PRKN: variants seen among roughly 807,000 people sequenced by gnomAD.
The protein encoded by PRKN is E3 ubiquitin-protein ligase parkin.
PRKN carries 56 observed loss-of-function variants against 59.5 expected under a neutral mutation model. The observed-to-expected ratio is 0.94, with a 90% CI of 0.76 to 1.18. PRKN has a LOEUF of 1.18. PRKN is among the 50% of genes most tolerant of loss of function. PRKN has a pLI of 0.00. For missense variants in PRKN, 657 were observed against 596.4 expected (o/e 1.10, Z -1.06); for synonymous variants, 250 against 222.1 (o/e 1.13, Z -1.12).
intron 5 of PRKN, among the ~76,000 whole-genome samples, chr6:161,996,292 G>C (rs552978110): frequency 2.6e-4 from 40 of 152,186 alleles, no homozygotes; most frequent in African/African-American, 9.2e-4. Context: ...AATAAGCCAG[G>C]CACTGGACAA....
intron 1 of PRKN, among the ~76,000 whole-genome samples, chr6:162,701,234 C>T (rs1778140791): frequency 6.6e-6 from 1 of 151,928 alleles, no homozygotes; most frequent in African/African-American, 2.4e-5. Flanking sequence ...TGAACAACAA[C>T]AAAAAAGCAG....
chr6:162,274,802 C>T (rs1024022473), intron 2 of PRKN, among the ~76,000 whole-genome samples: 1 of 152,020 alleles, frequency 6.6e-6, no homozygotes, highest in African/African-American at 2.4e-5. Flanking sequence ...ATATTTGTGG[C>T]CAGGCACAGT....
intron 3 of PRKN, among the ~76,000 whole-genome samples, chr6:162,253,772 A>C (rs985661009): frequency 6.6e-6 from 1 of 151,906 alleles, no homozygotes; most frequent in African/African-American, 2.4e-5. Context: ...ATTAAAAAAG[A>C]GGCAACTTCA....
intron 7 of PRKN, among the ~76,000 whole-genome samples, chr6:161,661,414 T>G (rs1784540101): frequency 6.6e-6 from 1 of 152,154 alleles, no homozygotes; most frequent in African/African-American, 2.4e-5. Context: ...CCCTCCCAGA[T>G]ATCTGTGTGG....
At chr6:161,866,767 T>G (rs1794127513) in intron 6 of PRKN, among the ~76,000 whole-genome samples, 1 of 152,018 alleles carries the variant, frequency 6.6e-6, no homozygotes, top group Non-Finnish European at 1.5e-5. Context: ...GCCTGGACAA[T>G]TTTTATAGTG....
chr6:162,360,144 A>G (rs1312260304), intron 2 of PRKN, among the ~76,000 whole-genome samples: 1 of 151,986 alleles, frequency 6.6e-6, no homozygotes, highest in South Asian at 2.1e-4. Flanking sequence ...CTGGAACACA[A>G]TAAGTGGAAA....
intron 7 of PRKN, among the ~76,000 whole-genome samples, chr6:161,777,793 GATATA>G (rs1158163832): frequency 0.036 from 4,864 of 136,202 alleles, 360 homozygotes; most frequent in African/African-American, 0.13. Flanking sequence ...ATGTATATAT[GATATA>G]TGTATATATG....
chr6:162,471,917 T>C (rs1488142714), intron 1 of PRKN, among the ~76,000 whole-genome samples: 1 of 152,218 alleles, frequency 6.6e-6, no homozygotes, highest in African/African-American at 2.4e-5. Context: ...TGTCCTCCGA[T>C]TGAAGAAGAT....
Position 161,827,509 on chromosome 6 carries a change from C to CTTT in PRKN, c.735-41604_735-41602dup, listed in dbSNP as rs5881438. 4.4e-3 allele frequency among the ~76,000 whole-genome samples: 549 copies of CTTT among 124,914 alleles called. 21 individuals carry two copies. The highest frequency in any genetic ancestry group is 0.015 in the African/African-American group (494 of 32,362). 81.9% of individuals were successfully genotyped at this position (124,914 alleles called of 152,430 possible). On this transcript the variant is annotated intron_variant, in intron 6 of 11. Transcript: ENST00000366898. ...CTTGTATTCACCTCAATTGATTTTA[C>CTTT]TTTTTTTTTTTTTTTTTTGAGACAG...
At chr6:161,977,764 G>C (rs959135139) in intron 5 of PRKN, among the ~76,000 whole-genome samples, 1 of 151,682 alleles carries the variant, frequency 6.6e-6, no homozygotes, top group African/African-American at 2.4e-5. Flanking sequence ...AGCCAGGATG[G>C]TCTCAATCTC....
intron 5 of PRKN, among the ~76,000 whole-genome samples, chr6:162,050,353 T>C (rs1777581809): frequency 6.6e-6 from 1 of 152,216 alleles, no homozygotes; most frequent in Non-Finnish European, 1.5e-5. Flanking sequence ...AGAGTCATTG[T>C]CTTTCACATT....
At chr6:161,819,779 T>C (rs186572840) in intron 6 of PRKN, among the ~76,000 whole-genome samples, 5 of 152,282 alleles carry the variant, frequency 3.3e-5, no homozygotes, top group Admixed American at 2.6e-4. Context: ...AAAGAAAAAG[T>C]AGATAAATTT....
At chr6:161,700,206 T>G (rs556672230) in intron 7 of PRKN, among the ~76,000 whole-genome samples, 58 of 152,190 alleles carry the variant, frequency 3.8e-4, no homozygotes, top group African/African-American at 1.2e-3. Flanking sequence ...TACTAATTCC[T>G]CTTAATTCCT....
At chr6:162,456,933 A>G (rs1790903031) in intron 1 of PRKN, among the ~76,000 whole-genome samples, 1 of 152,190 alleles carries the variant, frequency 6.6e-6, no homozygotes, top group South Asian at 2.1e-4. Context: ...GCTTGGGGCC[A>G]TTTCGAACAA....
Position 161,743,369 on chromosome 6 carries a change from G to A in PRKN, c.871+42403C>T, listed in dbSNP as rs553040829. On this transcript the variant is annotated intron_variant, in intron 7 of 11. Coordinates refer to ENST00000366898, the MANE Select transcript of PRKN (RefSeq NM_004562.3). The stretch of plus-strand genomic sequence containing the variant: ...CGAGCAGCTGGGACTACAGGCGCCC[G>A]CCACCACATCCAGCTTTTTTATTTA... Among the ~76,000 whole-genome samples the A allele has an allele frequency of 2.4e-3, 351 of 147,784 alleles. 3 individuals are homozygous for A. Among genetic ancestry groups the A allele is most frequent in the Non-Finnish European group, 3.6e-3 (238 of 66,506 alleles).
chr6:161,452,722 G>A (rs931520084), intron 9 of PRKN, among the ~76,000 whole-genome samples: 33 of 152,134 alleles, frequency 2.2e-4, no homozygotes, highest in African/African-American at 7.7e-4. Context: ...TAATCAAAAC[G>A]TTTAGCTGGG....
At chr6:162,482,767 G>T (rs1471052695) in intron 1 of PRKN, among the ~76,000 whole-genome samples, 1 of 152,176 alleles carries the variant, frequency 6.6e-6, no homozygotes, top group African/African-American at 2.4e-5. Context: ...GAGATGCATA[G>T]GCTCTTTAAA....
intron 4 of PRKN, among the ~76,000 whole-genome samples, chr6:162,178,739 GT>G (rs944228515): frequency 2.6e-5 from 4 of 152,078 alleles, no homozygotes; most frequent in Admixed American, 6.5e-5. Flanking sequence ...GTTTTGTGTC[GT>G]TTGTGGTTTT....
intron 7 of PRKN, among the ~76,000 whole-genome samples, chr6:161,725,267 C>T (rs1279999856): frequency 6.6e-6 from 1 of 152,104 alleles, no homozygotes; most frequent in African/African-American, 2.4e-5. Context: ...AATAATTCAA[C>T]AAACCAGGTC....
Sources: gnomAD v4.1 joint callset for allele counts (sites outside exome capture counted in the v4.1 genomes callset) on GRCh38, gnomAD v4.1.1 for gene constraint, MANE v1.5 for transcripts, NCBI Gene and HGNC (gene_info 2026-07-23, HGNC 2026-07-21) for gene names.